IFT74: variants seen among roughly 807,000 people sequenced by gnomAD.
IFT74 encodes intraflagellar transport protein 74 homolog.
Under a neutral mutation model 96.7 loss-of-function variants are expected in IFT74, and 92 were observed. The observed-to-expected ratio is 0.95, with a 90% CI of 0.80 to 1.13. IFT74 has a LOEUF of 1.13. Ranked by LOEUF, IFT74 falls within the 50% of genes most tolerant of loss-of-function variation. The pLI is 0.00. For missense variants in IFT74, 811 were observed against 698.2 expected (o/e 1.16, Z -1.82); for synonymous variants, 223 against 213.2 (o/e 1.05, Z -0.40).
intron 15 of IFT74, among the ~76,000 whole-genome samples, chr9:27,047,828 A>G (rs924368992): frequency 9.9e-5 from 15 of 152,208 alleles, no homozygotes; most frequent in South Asian, 4.1e-4. Flanking sequence ...TTGGGCATCT[A>G]TTATGAAATG....
At chr9:26,995,804 A>G in intron 8 of IFT74, 1 of 1,609,616 alleles carries the variant, frequency 6.2e-7, no homozygotes, top group Non-Finnish European at 8.5e-7. Flanking sequence ...TACAGTGACA[A>G]CAACACCAAC....
intron 2 of IFT74, among the ~76,000 whole-genome samples, chr9:26,970,170 A>G (rs1342117002): frequency 6.6e-6 from 1 of 152,112 alleles, no homozygotes; most frequent in East Asian, 1.9e-4. Context: ...TGCTGTGGTG[A>G]GGGCATTGCA....
intron 1 of IFT74, among the ~76,000 whole-genome samples, chr9:26,948,448 A>ATTATTATTT (rs1825819541): frequency 6.8e-5 from 4 of 59,160 alleles, no homozygotes; most frequent in Admixed American, 2.0e-4. Flanking sequence ...GCTTTCCATT[A>ATTATTATTT]TTTTTTTTTT....
intron 2 of IFT74, among the ~76,000 whole-genome samples, chr9:26,976,948 A>T (rs1827156204): frequency 6.6e-6 from 1 of 152,078 alleles, no homozygotes; most frequent in South Asian, 2.1e-4. Context: ...TCATCTTAGG[A>T]TGGATTTATA....
At chr9:27,053,545 A>G (rs563161237) in intron 16 of IFT74, among the ~76,000 whole-genome samples, 1 of 152,284 alleles carries the variant, frequency 6.6e-6, no homozygotes, top group African/African-American at 2.4e-5. Flanking sequence ...TTTTGCTCCT[A>G]TGTACACACT....
At chr9:27,057,502 A>T (rs1466565749) in intron 18 of IFT74, among the ~76,000 whole-genome samples, 3 of 152,206 alleles carry the variant, frequency 2.0e-5, no homozygotes, top group East Asian at 1.9e-4. Flanking sequence ...GATCATTCTT[A>T]TATCTAATTA....
At position 27,041,488 on chromosome 9, in the gene IFT74, G is replaced by A. The variant is rs923123997; in HGVS notation, c.1055-3254G>A. On this transcript the variant is annotated intron_variant, in intron 13 of 19. Transcript: ENST00000380062. Reference sequence around the variant, plus strand: ...AAATTTATCGGAAATAAATAAATGAGTATAGAAGTATGCGCACATCAAATG... The same window carrying A: ...AAATTTATCGGAAATAAATAAATGAATATAGAAGTATGCGCACATCAAATG... 3.3e-5 allele frequency among the ~76,000 whole-genome samples: 5 copies of A among 152,242 alleles called. No homozygotes were observed. In the South Asian group the frequency reaches 1.0e-3, roughly 32 times the overall value.
chr9:27,044,253 G>A (rs2131678879), intron 13 of IFT74, among the ~76,000 whole-genome samples: 1 of 152,250 alleles, frequency 6.6e-6, no homozygotes, highest in South Asian at 2.1e-4. Context: ...CTTGTTTAGG[G>A]AAACTTTCTC....
intron 1 of IFT74, among the ~76,000 whole-genome samples, chr9:26,948,448 A>ATTATTATTTTTTTTTTTTTTTTTTTTT (rs1825819541): frequency 1.7e-5 from 1 of 59,162 alleles, no homozygotes; most frequent in Non-Finnish European, 3.8e-5. Flanking sequence ...GCTTTCCATT[A>ATTATTATTTTTTTTTTTTTTTTTTTTT]TTTTTTTTTT....
rs113246599 is a variant in IFT74, at chr9:26,998,325, A to G, written c.587+8130A>G. The stretch of plus-strand genomic sequence containing the variant: ...AAATTTCATATTTAAGCACTTAGAC[A>G]TTAGAAGGACGTTATTTTGGGAAAA... On this transcript the variant is annotated intron_variant, in intron 8 of 19. Transcript: ENST00000380062. The G allele has an allele frequency of 3.2e-3, 2,579 of 810,732 alleles. 9 individuals carry two copies. Among genetic ancestry groups the G allele is most frequent in the Non-Finnish European group, 4.3e-3 (2,367 of 556,180 alleles). 50.2% of individuals were successfully genotyped at this position (810,732 alleles called of 1,614,324 possible). A position where few individuals can be genotyped will look rare whatever the true frequency, so the allele number is the denominator to read the frequency against.
chr9:27,036,343 C>A, intron 13 of IFT74: 1 of 1,404,682 alleles, frequency 7.1e-7, no homozygotes, highest in Non-Finnish European at 9.4e-7. Flanking sequence ...TTGGGTGAAA[C>A]CTAATGCCAA....
chr9:26,982,863 AT>A (rs1265359002), intron 4 of IFT74, among the ~76,000 whole-genome samples: 1 of 152,086 alleles, frequency 6.6e-6, no homozygotes, highest in East Asian at 1.9e-4. Flanking sequence ...AAGTGCTGGG[AT>A]TACAGGCGTG....
intron 18 of IFT74, among the ~76,000 whole-genome samples, chr9:27,059,956 C>CTT (rs1820342044): frequency 6.6e-6 from 1 of 152,142 alleles, no homozygotes; most frequent in African/African-American, 2.4e-5. Context: ...ACCAGAGTTA[C>CTT]AAGGTTAATT....
Position 27,063,022 on chromosome 9 carries a change from A to G in IFT74, c.*286A>G. On this transcript the variant is annotated 3_prime_UTR_variant, in exon 20 of 20. Transcript: ENST00000380062. ...CGTTGAAATTTATTTAGCTGGTATA[A>G]TCCATCTATGGCAACAAATGAGATA... is the stretch of plus-strand genomic sequence containing the variant. 3.3e-6 allele frequency: 1 copy of G among 299,510 alleles called. No homozygotes were observed. Among genetic ancestry groups the G allele is most frequent in the Non-Finnish European group, 6.1e-6 (1 of 163,430 alleles). The allele number at this position is 299,510 out of a possible 1,614,324, so 18.6% of individuals were successfully genotyped here. A position where few individuals can be genotyped will look rare whatever the true frequency, so the allele number is the denominator to read the frequency against.
intron 13 of IFT74, among the ~76,000 whole-genome samples, chr9:27,042,823 T>A (rs955517755): frequency 6.6e-6 from 1 of 152,172 alleles, no homozygotes; most frequent in African/African-American, 2.4e-5. Flanking sequence ...TTTCTGCCAC[T>A]TCACATGGGC....
chr9:27,039,394 G>A (rs1819365734), intron 13 of IFT74, among the ~76,000 whole-genome samples: 1 of 152,126 alleles, frequency 6.6e-6, no homozygotes, highest in African/African-American at 2.4e-5. Context: ...AAAGTCATCT[G>A]CAAGTGTTGA....
chr9:27,026,620 A>G (rs1829870989), intron 12 of IFT74, among the ~76,000 whole-genome samples: 1 of 152,188 alleles, frequency 6.6e-6, no homozygotes, highest in Non-Finnish European at 1.5e-5. Flanking sequence ...AATTATATCA[A>G]GTATTCTCAG....
intron 11 of IFT74, among the ~76,000 whole-genome samples, chr9:27,018,442 C>T (rs1829453529): frequency 6.6e-6 from 1 of 152,140 alleles, no homozygotes; most frequent in Admixed American, 6.5e-5. Flanking sequence ...ACTACCCTTA[C>T]TTTGAGGAAA....
chr9:27,050,961 A>T (rs1243594895), intron 16 of IFT74, among the ~76,000 whole-genome samples: 1 of 152,168 alleles, frequency 6.6e-6, no homozygotes, highest in Non-Finnish European at 1.5e-5. Flanking sequence ...AAATCTAAAA[A>T]GATATTGGCA....
Sources: gnomAD v4.1 joint callset for allele counts (sites outside exome capture counted in the v4.1 genomes callset) on GRCh38, gnomAD v4.1.1 for gene constraint, MANE v1.5 for transcripts, NCBI Gene and HGNC (gene_info 2026-07-23, HGNC 2026-07-21) for gene names.